Variants in PDE4D observed in about 807,000 individuals in gnomAD.
PDE4D encodes the protein phosphodiesterase 4D.
A neutral mutation model predicts 87.4 loss-of-function variants in PDE4D; 24 were observed. The ratio of observed to expected loss-of-function variants is 0.27; its 90% CI spans 0.20 to 0.39. The LOEUF (loss-of-function observed/expected upper bound fraction) is 0.39, where lower values mean the gene tolerates loss of function less well. Ranked by LOEUF, PDE4D falls within the 10% of genes least tolerant of loss-of-function variation. The pLI is 1.00. For missense variants in PDE4D, 714 were observed against 1,041.0 expected (o/e 0.69, Z 4.32); for synonymous variants, 384 against 383.2 (o/e 1.00, Z -0.02).
At chr5:59,192,104 C>T (rs1393470360) in intron 3 of PDE4D, among the ~76,000 whole-genome samples, 2 of 152,076 alleles carry the variant, frequency 1.3e-5, no homozygotes, top group Non-Finnish European at 2.9e-5. Context: ...TACTATTATA[C>T]ATTATGTTAC....
Position 60,034,329 on chromosome 5 carries a change from A to G in PDE4D, c.43-45612T>C, listed in dbSNP as rs78835686. On this transcript the variant is annotated intron_variant, in intron 2 of 16. Coordinates refer to the PDE4D transcript ENST00000502484. ...GTCCTGAATTAGTCTTACAGAGCTAAGCTAAAATCAGGATGTCAGTGGGAT... is the reference window on the plus strand; with the variant it reads ...GTCCTGAATTAGTCTTACAGAGCTAGGCTAAAATCAGGATGTCAGTGGGAT... 3.0e-4 allele frequency among the ~76,000 whole-genome samples: 46 copies of G among 152,308 alleles called. No homozygotes were observed. In the East Asian group the frequency reaches 6.6e-3, roughly 22 times the overall value.
chr5:59,210,207 T>C (rs1039477761), intron 2 of PDE4D, among the ~76,000 whole-genome samples: 1 of 152,262 alleles, frequency 6.6e-6, no homozygotes, highest in African/African-American at 2.4e-5. Context: ...AAACTTTTCA[T>C]GTAGATCCAG....
intron 3 of PDE4D, among the ~76,000 whole-genome samples, chr5:59,933,403 G>A (rs143080663): frequency 6.6e-6 from 1 of 152,198 alleles, no homozygotes; most frequent in East Asian, 1.9e-4. Context: ...AACAGCTTTT[G>A]GAATCCTACA....
chr5:60,004,747 A>C (rs1031076441), intron 2 of PDE4D, among the ~76,000 whole-genome samples: 1 of 152,174 alleles, frequency 6.6e-6, no homozygotes, highest in Non-Finnish European at 1.5e-5. Flanking sequence ...TCACCAGGGA[A>C]ATGTACATCA....
intron 5 of PDE4D, among the ~76,000 whole-genome samples, chr5:59,104,444 G>A (rs905085995): frequency 6.6e-6 from 1 of 152,128 alleles, no homozygotes; most frequent in Non-Finnish European, 1.5e-5. Context: ...ATGATTATAC[G>A]AATCGCAGGC....
At position 59,681,819 on chromosome 5, in the gene PDE4D, C is replaced by T. The variant is rs571996391; in HGVS notation, c.455+211349G>A. On this transcript the variant is annotated intron_variant, in intron 1 of 14. Transcript: ENST00000340635. ...TCGGGAAACTGAGGCAGGAGAATGG[C>T]GAACCCGGGAGGTGGAGGTTGCAGT... Among the ~76,000 whole-genome samples the T allele has an allele frequency of 4.1e-5, 6 of 147,340 alleles. 1 individual carries two copies. In the South Asian group the frequency reaches 6.4e-4, roughly 16 times the overall value.
chr5:59,467,645 T>C (rs1175299258), intron 1 of PDE4D, among the ~76,000 whole-genome samples: 1 of 152,154 alleles, frequency 6.6e-6, no homozygotes, highest in East Asian at 1.9e-4. Flanking sequence ...AATCTCGAAA[T>C]CCACGGCCAT....
At chr5:59,652,042 C>T (rs116179296) in intron 1 of PDE4D, among the ~76,000 whole-genome samples, 2,036 of 152,302 alleles carry the variant, frequency 0.013, 26 homozygotes, top group Non-Finnish European at 0.021. Context: ...ATGCCAGCTT[C>T]GGAACTGTCT....
intron 1 of PDE4D, chr5:59,768,730 C>T: frequency 8.8e-7 from 1 of 1,130,938 alleles, no homozygotes; most frequent in Non-Finnish European, 1.2e-6. Flanking sequence ...TCCCAAGCCC[C>T]TGCCAAAGAT....
intron 1 of PDE4D, among the ~76,000 whole-genome samples, chr5:59,716,304 G>A (rs1435485508): frequency 1.3e-5 from 2 of 152,186 alleles, no homozygotes; most frequent in East Asian, 1.9e-4. Flanking sequence ...TACATCTTGC[G>A]CTCATGGCTC....
chr5:59,026,701 T>C (rs1756318862), intron 6 of PDE4D, among the ~76,000 whole-genome samples: 1 of 151,890 alleles, frequency 6.6e-6, no homozygotes, highest in African/African-American at 2.4e-5. Flanking sequence ...ACACCCCAGA[T>C]ATAGGATGGG....
chr5:59,618,474 T>A (rs1829972753), intron 1 of PDE4D, among the ~76,000 whole-genome samples: 1 of 152,134 alleles, frequency 6.6e-6, no homozygotes, highest in African/African-American at 2.4e-5. Context: ...AGGCGTCGGG[T>A]TCTGATGGGC....
chr5:60,065,071 A>G (rs375285647), intron 2 of PDE4D, among the ~76,000 whole-genome samples: 13 of 152,164 alleles, frequency 8.5e-5, no homozygotes, highest in Admixed American at 2.0e-4. Flanking sequence ...CACACATTGC[A>G]TTGCTATTCT....
chr5:59,127,727 T>G (rs879837191), intron 5 of PDE4D, among the ~76,000 whole-genome samples: 4 of 151,832 alleles, frequency 2.6e-5, no homozygotes, highest in African/African-American at 9.7e-5. Flanking sequence ...ATGACTCTGC[T>G]GACGTCAATG....
intron 2 of PDE4D, among the ~76,000 whole-genome samples, chr5:60,005,525 T>A (rs761447568): frequency 2.0e-5 from 3 of 151,978 alleles, no homozygotes; most frequent in African/African-American, 7.2e-5. Flanking sequence ...TAACCATTTA[T>A]AGGGATGGAT....
chr5:60,406,489 T>C (rs1054328642), intron 1 of PDE4D, among the ~76,000 whole-genome samples: 1 of 152,186 alleles, frequency 6.6e-6, no homozygotes, highest in Non-Finnish European at 1.5e-5. Flanking sequence ...TTTCTAATAC[T>C]GTCTACTCTG....
chr5:60,303,176 TATG>T (rs1022117743), intron 1 of PDE4D, among the ~76,000 whole-genome samples: 2 of 151,910 alleles, frequency 1.3e-5, no homozygotes, highest in Non-Finnish European at 2.9e-5. Context: ...GAGATTCTGG[TATG>T]ATGTCTCTTT....
chr5:60,135,242 C>T (rs1363901283), intron 2 of PDE4D, among the ~76,000 whole-genome samples: 1 of 152,158 alleles, frequency 6.6e-6, no homozygotes, highest in Non-Finnish European at 1.5e-5. Context: ...CCTCACCAGA[C>T]ATCAAATCTT....
intron 2 of PDE4D, among the ~76,000 whole-genome samples, chr5:60,151,852 ACT>A (rs567839470): frequency 6.6e-6 from 1 of 152,312 alleles, no homozygotes; most frequent in South Asian, 2.1e-4. Context: ...GCTTTTCATC[ACT>A]GAGTATTCAG....
Sources: gnomAD v4.1 joint callset for allele counts (sites outside exome capture counted in the v4.1 genomes callset) on GRCh38, gnomAD v4.1.1 for gene constraint, MANE v1.5 for transcripts, NCBI Gene and HGNC (gene_info 2026-07-23, HGNC 2026-07-21) for gene names.